The following PDE1C variants were observed in gnomAD, a reference collection of about 807,000 sequenced individuals.
The protein encoded by PDE1C is phosphodiesterase 1C, also known as dual specificity calcium/calmodulin-dependent 3',5'-cyclic nucleotide phosphodiesterase 1C.
Under a neutral mutation model 93.1 loss-of-function variants are expected in PDE1C, and 62 were observed. That is an observed-to-expected ratio of 0.67 (90% CI 0.54 to 0.82). The LOEUF (loss-of-function observed/expected upper bound fraction) is 0.82, where lower values mean the gene tolerates loss of function less well. PDE1C is among the 40% of genes least tolerant of loss of function. The probability of loss-of-function intolerance (pLI) is 0.00; values close to 1 mark genes in which losing one functional copy is unlikely to be tolerated. For synonymous variants in PDE1C, 325 were observed against 310.1 expected (o/e 1.05, Z -0.50); for missense variants, 742 against 884.6 (o/e 0.84, Z 2.04).
intron 16 of PDE1C, among the ~76,000 whole-genome samples, chr7:31,775,934 C>T (rs140501653): frequency 6.6e-4 from 101 of 152,206 alleles, no homozygotes; most frequent in Non-Finnish European, 1.2e-3. Flanking sequence ...TGTGACAGTA[C>T]GCAGTTCCTC....
chr7:31,790,894 C>A (rs1784521260), intron 16 of PDE1C, among the ~76,000 whole-genome samples: 1 of 152,080 alleles, frequency 6.6e-6, no homozygotes, highest in Admixed American at 6.6e-5. Flanking sequence ...CCCCATGTAA[C>A]CTCAAAGGTC....
chr7:31,992,743 C>T (rs556862720), intron 2 of PDE1C, among the ~76,000 whole-genome samples: 5 of 152,270 alleles, frequency 3.3e-5, no homozygotes, highest in Admixed American at 2.0e-4. Context: ...AAATATTATG[C>T]TATCAATATT....
At chr7:32,340,084 C>A (rs1341878072) in intron 1 of PDE1C, among the ~76,000 whole-genome samples, 1 of 151,940 alleles carries the variant, frequency 6.6e-6, no homozygotes, top group South Asian at 2.1e-4. Context: ...AGGGTCCTGG[C>A]AGTGAAGGAG....
chr7:31,655,876 G>A, the PDE1C span: 13 of 985,486 alleles, frequency 1.3e-5, no homozygotes, highest in Non-Finnish European at 1.6e-5. Context: ...GGAATGAAGA[G>A]GAACACCTGG....
At chr7:32,397,290 G>T (rs1327580022) in intron 1 of PDE1C, among the ~76,000 whole-genome samples, 7 of 152,010 alleles carry the variant, frequency 4.6e-5, no homozygotes, top group Non-Finnish European at 8.8e-5. Context: ...AAAAAAATAA[G>T]TAAAAGACAT....
chr7:31,824,448 ATTTCAAGC>A (rs1789405863), intron 13 of PDE1C, among the ~76,000 whole-genome samples: 1 of 152,078 alleles, frequency 6.6e-6, no homozygotes, highest in African/African-American at 2.4e-5. Flanking sequence ...GTAGAAGGTG[ATTTCAAGC>A]TTTCGATTCT....
chr7:31,837,100 T>C, intron 11 of PDE1C, 80 bp downstream of exon 11: 1 of 1,439,598 alleles, frequency 6.9e-7, no homozygotes, highest in Non-Finnish European at 9.6e-7. Context: ...TCAATAGTCC[T>C]TATCCTAGCA....
chr7:32,002,049 ACT>A (rs1356593905), intron 2 of PDE1C, among the ~76,000 whole-genome samples: 1 of 152,050 alleles, frequency 6.6e-6, no homozygotes, highest in Admixed American at 6.5e-5. Flanking sequence ...ACAGAGCAAG[ACT>A]CTGTCTCAAA....
intron 4 of PDE1C, among the ~76,000 whole-genome samples, chr7:31,878,584 C>G (rs1265874328): frequency 6.6e-6 from 1 of 152,082 alleles, no homozygotes; most frequent in African/African-American, 2.4e-5. Context: ...AGTAAAATAG[C>G]TAATAAAACT....
At chr7:32,257,404 T>C (rs1298036807) in intron 1 of PDE1C, among the ~76,000 whole-genome samples, 1 of 152,178 alleles carries the variant, frequency 6.6e-6, no homozygotes, top group Non-Finnish European at 1.5e-5. Flanking sequence ...AGGAACCAAC[T>C]CCATGAATTC....
At chr7:32,168,741 G>T (rs780313349) in intron 3 of PDE1C, among the ~76,000 whole-genome samples, 1 of 152,136 alleles carries the variant, frequency 6.6e-6, no homozygotes, top group Non-Finnish European at 1.5e-5. Context: ...ACTGTATAAA[G>T]AAATCCAAAC....
intron 1 of PDE1C, among the ~76,000 whole-genome samples, chr7:32,368,947 A>G (rs1337932405): frequency 6.6e-6 from 1 of 152,166 alleles, no homozygotes; most frequent in Non-Finnish European, 1.5e-5. Context: ...TCTATATGCA[A>G]AAGAATGAAA....
the PDE1C span, among the ~76,000 whole-genome samples, chr7:31,617,888 T>TA: frequency 6.6e-6 from 1 of 152,208 alleles, no homozygotes; most frequent in Admixed American, 6.5e-5. Flanking sequence ...CTTCTAACGC[T>TA]ACAAATCACT....
intron 1 of PDE1C, among the ~76,000 whole-genome samples, chr7:32,314,207 A>G (rs1451853270): frequency 1.3e-5 from 2 of 152,218 alleles, no homozygotes; most frequent in Non-Finnish European, 2.9e-5. Context: ...AGAAAGCAAG[A>G]CAAAAATATA....
chr7:32,096,781 T>A (rs1324048096), intron 3 of PDE1C, among the ~76,000 whole-genome samples: 1 of 151,490 alleles, frequency 6.6e-6, no homozygotes, highest in East Asian at 1.9e-4. Flanking sequence ...TTTGTATTAG[T>A]CAGGGTTCTG....
chr7:31,792,877 G>A (rs1311163128), intron 16 of PDE1C, among the ~76,000 whole-genome samples: 1 of 152,070 alleles, frequency 6.6e-6, no homozygotes, highest in Non-Finnish European at 1.5e-5. Flanking sequence ...TTTTTAAAGA[G>A]TGACTGATGA....
the PDE1C span, among the ~76,000 whole-genome samples, chr7:31,625,011 C>G: frequency 6.6e-6 from 1 of 152,188 alleles, no homozygotes; most frequent in Admixed American, 6.5e-5. Flanking sequence ...AGTCAAAAAA[C>G]ACATGAAAAA....
chr7:32,205,595 C>T (rs565446857), intron 2 of PDE1C, among the ~76,000 whole-genome samples: 151 of 131,896 alleles, frequency 1.1e-3, no homozygotes, highest in Non-Finnish European at 2.1e-3. Flanking sequence ...AGAATAAAAG[C>T]AGGCCAACCC....
intron 3 of PDE1C, among the ~76,000 whole-genome samples, chr7:32,122,620 T>C (rs1229901891): frequency 6.6e-6 from 1 of 152,138 alleles, no homozygotes; most frequent in Non-Finnish European, 1.5e-5. Context: ...GACTCCTGGG[T>C]AAATAATGAA....
Sources: allele counts gnomAD v4.1 joint callset (sites outside exome capture counted in the v4.1 genomes callset), GRCh38; gene constraint gnomAD v4.1.1; transcripts MANE v1.5; gene names NCBI Gene and HGNC (gene_info 2026-07-23, HGNC 2026-07-21).